The following APEH variants were observed in gnomAD, a reference collection of about 807,000 sequenced individuals.
APEH encodes acylaminoacyl-peptide hydrolase, also known as acylamino-acid-releasing enzyme.
Under a neutral mutation model 102.7 loss-of-function variants are expected in APEH, and 75 were observed. The observed-to-expected ratio is 0.73, with a 90% confidence interval of 0.61 to 0.89. APEH has a LOEUF of 0.89. Ranked by LOEUF, APEH falls within the 40% of genes least tolerant of loss-of-function variation. APEH has a pLI of 0.00. For synonymous variants in APEH, 344 were observed against 362.7 expected (o/e 0.95, Z 0.59); for missense variants, 863 against 941.2 (o/e 0.92, Z 1.09).
chr3:49,682,761 C>T lies in APEH; in HGVS notation c.1883+25C>T, dbSNP rs373488100. On this transcript the variant is annotated intron_variant, in intron 19 of 21. Transcript: ENST00000296456. Reference sequence around the variant, plus strand: ...GGTAGGCATACACCACAGGTCCCTGCCCTTCCCTCCTCTACCTCAAATTCT... The same window carrying T: ...GGTAGGCATACACCACAGGTCCCTGTCCTTCCCTCCTCTACCTCAAATTCT... 8 of 1,613,552 alleles carry T rather than the reference C, an allele frequency of 5.0e-6. No homozygotes were observed. The South Asian group carries it at 6.6e-5, about 13-fold the overall frequency.
At chr3:49,676,274 C>T in intron 6 of APEH, 55 bp downstream of exon 6, 1 of 1,610,886 alleles carries the variant, frequency 6.2e-7, no homozygotes, top group Non-Finnish European at 8.5e-7. Context: ...GCTCAGTGTG[C>T]TCCCTTCCCA....
chr3:49,679,890 G>C lies in APEH; in HGVS notation c.1210+246G>C. The C allele has an allele frequency of 2.2e-6, 1 of 452,964 alleles. No homozygotes were observed. Among genetic ancestry groups the C allele is most frequent in the Non-Finnish European group, 4.1e-6 (1 of 243,270 alleles). 28.1% of individuals were successfully genotyped at this position (452,964 alleles called of 1,614,324 possible). A position where few individuals can be genotyped will look rare whatever the true frequency, so the allele number is the denominator to read the frequency against. ...CACTCAACTCTGTTCCATGTGTCCT[G>C]GCCCAGCCTCAGCACGGCCCCCACC... On this transcript the variant is annotated intron_variant, in intron 13 of 21. Transcript: ENST00000296456. This position sits in a 1 kb window ranked among gnomAD's most constrained non-coding sequence, Gnocchi z 4.3.
Position 49,683,396 on chromosome 3 carries a change from G to C in APEH, c.*54G>C. 3 of 1,490,614 alleles carry C rather than the reference G, an allele frequency of 2.0e-6. No homozygotes were observed. Among genetic ancestry groups the C allele is most frequent in the Non-Finnish European group, 2.8e-6 (3 of 1,069,034 alleles). The allele number at this position is 1,490,614 out of a possible 1,614,324, so 92.3% of individuals were successfully genotyped here. A position where few individuals can be genotyped will look rare whatever the true frequency, so the allele number is the denominator to read the frequency against. On this transcript the variant is annotated 3_prime_UTR_variant, in exon 22 of 22. Coordinates refer to ENST00000296456, the MANE Select transcript of APEH (RefSeq NM_001640.4). Reference sequence around the variant, plus strand: ...GCCTGTGCCACACTTCGCTCTTGAGGAGCTCAACGGTCTGGCAGGGCAGCA... The same window carrying C: ...GCCTGTGCCACACTTCGCTCTTGAGCAGCTCAACGGTCTGGCAGGGCAGCA...
Position 49,681,186 on chromosome 3 carries a change from A to C in APEH, c.1385A>C (p.His462Pro), listed in dbSNP as rs772302891. 3 of 1,610,106 alleles carry C rather than the reference A, an allele frequency of 1.9e-6. No individual in the cohort carries two copies. The highest frequency in any genetic ancestry group is 2.5e-6 in the Non-Finnish European group (3 of 1,177,726). ...GAGGCCGAGCCCATTCCCGACATCC[A>C]CTGGGGCATCCGGGTGCTACAGCCA... ...LEEAEPIPDI[H>P]WGIRVLQPPP... The change falls in exon 15 of 22, where the codon CAC becomes CCC. Residue 462 changes from histidine to proline, a missense_variant. Coordinates refer to ENST00000296456, the MANE Select transcript of APEH (RefSeq NM_001640.4).
rs777706478 is a variant in APEH, at chr3:49,677,016, C to T, written c.991C>T (p.Leu331=). The T allele has an allele frequency of 1.2e-6, 2 of 1,613,960 alleles. No homozygotes were observed. Among genetic ancestry groups the T allele is most frequent in the Admixed American group, 1.7e-5 (1 of 60,008 alleles). Residue 331 remains leucine (L), a synonymous_variant, in exon 10 of 22, where the codon CTG becomes TTG. Coordinates refer to ENST00000296456, the MANE Select transcript of APEH (RefSeq NM_001640.4). ...SLIPHHQCSQ[L]CLYDWYTKVT... ...GATCCCCCATCACCAATGCAGCCAG[C>T]TGTGCCTGGTGAGCTGGAGGTGGCA...
In APEH at chr3:49,681,091, C is replaced by T; in HGVS notation, c.1300-10C>T. 6.4e-7 allele frequency: 1 copy of T among 1,568,722 alleles called. No homozygotes were observed. Among genetic ancestry groups the T allele is most frequent in the South Asian group, 1.2e-5 (1 of 84,584 alleles). ...CAGGCCACCTATGACACATTCTTTCCCCTTGGCAGAAAGTTGGGTTCCTGC... is the reference window on the plus strand; with the variant it reads ...CAGGCCACCTATGACACATTCTTTCTCCTTGGCAGAAAGTTGGGTTCCTGC... On this transcript the variant is annotated splice_polypyrimidine_tract_variant and intron_variant, in intron 14 of 21. Coordinates refer to ENST00000296456, the MANE Select transcript of APEH (RefSeq NM_001640.4).
rs751224746 is a variant in APEH at position 49,675,278 on chromosome 3, C to A, written c.241C>A (p.Pro81Thr). The A allele has an allele frequency of 1.2e-6, 2 of 1,614,042 alleles. No individual in the cohort carries two copies. Among genetic ancestry groups the A allele is most frequent in the South Asian group, 2.2e-5 (2 of 91,072 alleles). Residue 81 changes from proline to threonine, a missense_variant, in exon 3 of 22, where the codon CCT becomes ACT. By Grantham distance (38) the Pro-to-Thr change is conservative. Transcript: ENST00000296456. Reference sequence around the variant, plus strand: ...CGGGGACTCAGTGGTGTTTGCAGGACCTGCAGGCAACAGTGTGGAGACCCG... The same window carrying A: ...CGGGGACTCAGTGGTGTTTGCAGGAACTGCAGGCAACAGTGTGGAGACCCG... ...HDGDSVVFAG[P>T]AGNSVETRGE...
Position 49,678,952 on chromosome 3 carries a change from G to A in APEH, c.1158+3G>A, listed in dbSNP as rs1378927668. On this transcript the variant is annotated splice_donor_region_variant and intron_variant, in intron 12 of 21. Coordinates refer to ENST00000296456, the MANE Select transcript of APEH (RefSeq NM_001640.4). Reference sequence around the variant, plus strand: ...ACTCGGCTCAGCGCAGCCGGCAGGTGAGGGACGCTGATTGTGTTGAGGGGC... The same window carrying A: ...ACTCGGCTCAGCGCAGCCGGCAGGTAAGGGACGCTGATTGTGTTGAGGGGC... 4 of 1,612,118 alleles carry A rather than the reference G, an allele frequency of 2.5e-6. No individual in the cohort carries two copies. The highest frequency in any genetic ancestry group is 3.4e-6 in the Non-Finnish European group (4 of 1,178,980).
Position 49,681,904 on chromosome 3 carries a change from T to C in APEH, c.1540T>C (p.Phe514Leu). 6.2e-7 allele frequency: 1 copy of C among 1,614,204 alleles called. No individual in the cohort carries two copies. The highest frequency in any genetic ancestry group is 8.5e-7 in the Non-Finnish European group (1 of 1,180,024). The change falls in exon 17 of 22, where the codon TTT becomes CTT. Residue 514 changes from phenylalanine (F) to leucine (L), a missense_variant. Transcript: ENST00000296456. ...VMPHGGPHSS[F>L]VTAWMLFPAM... ...GTCTGCAGGGGGGCCCCATTCATCC[T>C]TTGTCACTGCCTGGATGCTGTTCCC...
At position 49,682,823 on chromosome 3, in the gene APEH, A is replaced by G. The variant is rs760389590; in HGVS notation, c.1884-20A>G. ...GTAGCCCCAGAATTCCTGGGGCTGC[A>G]ACAGCTCGGTGTCTTGCAGGTGCGT... On this transcript the variant is annotated intron_variant, in intron 19 of 21. Coordinates refer to ENST00000296456, the MANE Select transcript of APEH (RefSeq NM_001640.4). 8 of 1,613,982 alleles carry G rather than the reference A, an allele frequency of 5.0e-6. No homozygotes were observed. The Admixed American group carries it at 1.2e-4, about 24-fold the overall frequency.
intron 4 of APEH, 33 bp downstream of exon 4, chr3:49,675,820 A>G: frequency 2.5e-6 from 4 of 1,612,816 alleles, no homozygotes; most frequent in Non-Finnish European, 3.4e-6. Flanking sequence ...AGTGGGTGAC[A>G]AGAGAGAGGC....
chr3:49,677,520 C>T, intron 10 of APEH, 53 bp from the exon 11 acceptor site: 1 of 1,532,948 alleles, frequency 6.5e-7, no homozygotes, highest in Non-Finnish European at 9.0e-7. Flanking sequence ...GGCACTGTGC[C>T]CTAAGGGAAC....
intron 13 of APEH, chr3:49,680,273 A>G: frequency 2.3e-6 from 1 of 435,636 alleles, no homozygotes; most frequent in African/African-American, 2.0e-5. Context: ...CACAGCAGCC[A>G]TCGAGGGACA....
chr3:49,681,391 A>T, intron 15 of APEH, 152 bp downstream of exon 15: 1 of 969,622 alleles, frequency 1.0e-6, no homozygotes, highest in Non-Finnish European at 1.4e-6. Flanking sequence ...GGGCATGGGA[A>T]GTAGCATCTA....
Position 49,679,033 on chromosome 3 carries a change from T to A in APEH, c.1158+84T>A. On this transcript the variant is annotated intron_variant, in intron 12 of 21. Transcript: ENST00000296456. The surrounding 1 kb of genome is among the most constrained non-coding windows in gnomAD (Gnocchi z 4.3). ...GGGGTTGCATGTGCATGCCCCTGGG[T>A]GGAATGCCCAGCCACAAAGTCTCAT... 8.9e-7 allele frequency: 1 copy of A among 1,123,144 alleles called. No homozygotes were observed. The highest frequency in any genetic ancestry group is 1.3e-6 in the Non-Finnish European group (1 of 763,860). 69.6% of individuals were successfully genotyped at this position (1,123,144 alleles called of 1,614,324 possible).
chr3:49,680,540 G>C lies in APEH; in HGVS notation c.1211-1G>C. 1 of 1,614,046 alleles carries C rather than the reference G, an allele frequency of 6.2e-7. No individual in the cohort carries two copies. Among genetic ancestry groups the C allele is most frequent in the East Asian group, 2.2e-5 (1 of 44,884 alleles). ...CACTTAATGGCATCTGCCTTTTCCA[G>C]GAGGGTCAGGTGGGAGCTGGAAGTT... On this transcript the variant is annotated splice_acceptor_variant, in intron 13 of 21. Coordinates refer to ENST00000296456, the MANE Select transcript of APEH (RefSeq NM_001640.4). LOFTEE classifies it high-confidence loss of function.
At position 49,682,861 on chromosome 3, in the gene APEH, C is replaced by G; in HGVS notation, c.1902C>G (p.Gly634=). 1 of 1,614,100 alleles carries G rather than the reference C, an allele frequency of 6.2e-7. No individual in the cohort carries two copies. The highest frequency in any genetic ancestry group is 1.1e-5 in the South Asian group (1 of 91,088). ...CTTGCAGGTGCGTGGTGGAGGCTGG[C>G]TTTCCTTTCAGCAGTGACTGCCTGC... ...DIPDWCVVEA[G]FPFSSDCLPD... is the part of the protein sequence containing the mutation. Residue 634 remains glycine, a synonymous_variant, in exon 20 of 22, where the codon GGC becomes GGG. Transcript: ENST00000296456.
chr3:49,681,187 C>T lies in APEH; in HGVS notation c.1386C>T (p.His462=). The T allele has an allele frequency of 6.2e-7, 1 of 1,610,142 alleles. No individual in the cohort carries two copies. Among genetic ancestry groups the T allele is most frequent in the Non-Finnish European group, 8.5e-7 (1 of 1,177,718 alleles). ...LEEAEPIPDI[H]WGIRVLQPPP... is the part of the protein sequence containing the mutation. ...AGGCCGAGCCCATTCCCGACATCCA[C>T]TGGGGCATCCGGGTGCTACAGCCAC... The change falls in exon 15 of 22, where the codon CAC becomes CAT. Residue 462 remains histidine, a synonymous_variant. Coordinates refer to ENST00000296456, the MANE Select transcript of APEH (RefSeq NM_001640.4).
Position 49,675,304 on chromosome 3 carries a change from G to C in APEH, c.267G>C (p.Arg89=), listed in dbSNP as rs775517620. The C allele has an allele frequency of 6.2e-6, 10 of 1,613,656 alleles. No homozygotes were observed. The Admixed American group carries it at 1.2e-4, about 19-fold the overall frequency. Residue 89 remains arginine, a synonymous_variant, in exon 3 of 22, where the codon CGG becomes CGC. Transcript: ENST00000296456. ...AGPAGNSVET[R]GELLSRESPS... is the part of the protein sequence containing the mutation. ...CTGCAGGCAACAGTGTGGAGACCCG[G>C]GGGGAGTAAGTTTGAGGGAGGAAGC...
Sources: gnomAD v4.1 joint callset for allele counts on GRCh38, gnomAD v4.1.1 for gene constraint, Gnocchi (gnomAD v3.1) non-coding constraint, MANE v1.5 for transcripts, NCBI Gene and HGNC (gene_info 2026-07-23, HGNC 2026-07-21) for gene names.